The following MYO3A variants were observed in gnomAD, a reference collection of about 807,000 sequenced individuals.
MYO3A encodes the protein myosin-IIIa.
In MYO3A, 180 loss-of-function variants were observed where a neutral mutation model predicts 192.7. The ratio of observed to expected loss-of-function variants is 0.93; its 90% CI spans 0.83 to 1.06. MYO3A has a LOEUF of 1.06. MYO3A is among the 50% of genes least tolerant of loss of function. The pLI is 0.00. For synonymous variants in MYO3A, 628 were observed against 645.3 expected (o/e 0.97, Z 0.41); for missense variants, 1,896 against 1,905.0 (o/e 1.00, Z 0.09).
chr10:26,057,499 TTG>T (rs1834183772), intron 10 of MYO3A, among the ~76,000 whole-genome samples: 1 of 152,144 alleles, frequency 6.6e-6, no homozygotes, highest in South Asian at 2.1e-4. Context: ...CTGAGTGAGT[TTG>T]TGTTAGTTTC....
At chr10:26,002,542 G>C (rs902649626) in intron 6 of MYO3A, among the ~76,000 whole-genome samples, 1 of 152,082 alleles carries the variant, frequency 6.6e-6, no homozygotes, top group Non-Finnish European at 1.5e-5. Context: ...TAAGTGGTTT[G>C]GCAGGAAAAA....
chr10:25,985,255 A>AAAAG (rs745441105), intron 4 of MYO3A, among the ~76,000 whole-genome samples: 1,890 of 147,486 alleles, frequency 0.013, 77 homozygotes, highest in African/African-American at 0.044. Context: ...AAAAAAAAAA[A>AAAAG]AAATTCTGAA....
chr10:26,147,666 T>C, intron 23 of MYO3A, 107 bp downstream of exon 23: 1 of 1,507,506 alleles, frequency 6.6e-7, no homozygotes, highest in Non-Finnish European at 9.1e-7. Context: ...GAGTTTGTTT[T>C]CGGCTCACTA....
chr10:26,054,770 C>T (rs1844217648), intron 10 of MYO3A, among the ~76,000 whole-genome samples: 1 of 152,194 alleles, frequency 6.6e-6, no homozygotes, highest in Non-Finnish European at 1.5e-5. Context: ...CCTACAGCCT[C>T]CAGAAACTGG....
At chr10:26,039,336 A>C (rs1843212582) in intron 10 of MYO3A, among the ~76,000 whole-genome samples, 1 of 151,370 alleles carries the variant, frequency 6.6e-6, no homozygotes, top group Admixed American at 6.6e-5. Context: ...CTGGGATTAC[A>C]AAATGTGTAG....
At chr10:26,125,777 T>C (rs954819939) in intron 19 of MYO3A, among the ~76,000 whole-genome samples, 169 bp downstream of exon 19, 1 of 152,190 alleles carries the variant, frequency 6.6e-6, no homozygotes, top group Admixed American at 6.5e-5. Context: ...TAGTTCCACC[T>C]CATAATGCCA....
Position 25,979,802 on chromosome 10 carries a change from G to A in MYO3A, c.304-16688G>A, listed in dbSNP as rs537294365. 3.3e-5 allele frequency among the ~76,000 whole-genome samples: 5 copies of A among 152,224 alleles called. No homozygotes were observed. In the South Asian group the frequency reaches 1.0e-3, roughly 32 times the overall value. On this transcript the variant is annotated intron_variant, in intron 4 of 34. Coordinates refer to ENST00000642920, the MANE Select transcript of MYO3A (RefSeq NM_017433.5). Reference sequence around the variant, plus strand: ...GATAATTGTTGTGGGGGCCTTTCCTGTGCACTGTTGTATGTTTAGCAGCAT... The same window carrying A: ...GATAATTGTTGTGGGGGCCTTTCCTATGCACTGTTGTATGTTTAGCAGCAT...
At chr10:26,171,982 C>T (rs1842069480) in intron 29 of MYO3A, among the ~76,000 whole-genome samples, 1 of 152,190 alleles carries the variant, frequency 6.6e-6, no homozygotes, top group African/African-American at 2.4e-5. Flanking sequence ...AGATCCACTT[C>T]AGGGCACATG....
At chr10:26,069,967 A>G (rs549598502) in intron 12 of MYO3A, 144 bp from the exon 13 acceptor site, 38 of 636,050 alleles carry the variant, frequency 6.0e-5, no homozygotes, top group Non-Finnish European at 1.0e-4. Flanking sequence ...ATATGTGTGT[A>G]ACATGTATGT....
chr10:26,003,463 T>C lies in MYO3A; in HGVS notation c.508+6205T>C, dbSNP rs73610383. On this transcript the variant is annotated intron_variant, in intron 6 of 34. Transcript: ENST00000642920. ...AGATTCAGTTTGCTAATGCTCATTA[T>C]GAATACGGCCTTTAAGAAAAACTTT... Among the ~76,000 whole-genome samples the C allele has an allele frequency of 9.1e-4, 139 of 152,332 alleles. 1 individual carries two copies. The highest frequency in any genetic ancestry group is 3.0e-3 in the African/African-American group (126 of 41,582).
intron 17 of MYO3A, among the ~76,000 whole-genome samples, chr10:26,103,841 T>C (rs1408858745): frequency 1.3e-5 from 2 of 152,252 alleles, no homozygotes; most frequent in Non-Finnish European, 2.9e-5. Context: ...CTGCATGTCT[T>C]CGTCAACACT....
chr10:26,032,761 C>CA (rs1050358775), intron 10 of MYO3A, among the ~76,000 whole-genome samples: 1 of 151,738 alleles, frequency 6.6e-6, no homozygotes, highest in African/African-American at 2.4e-5. Flanking sequence ...AAAGAGAAAA[C>CA]AAAAAAATAG....
chr10:26,087,982 A>G (rs1342809264), intron 14 of MYO3A, among the ~76,000 whole-genome samples: 3 of 152,314 alleles, frequency 2.0e-5, no homozygotes, highest in African/African-American at 7.2e-5. Context: ...GCTTGAATAG[A>G]AAAGTATAGA....
At chr10:26,182,276 T>G (rs1181888949) in intron 31 of MYO3A, among the ~76,000 whole-genome samples, 2 of 152,198 alleles carry the variant, frequency 1.3e-5, no homozygotes, top group Admixed American at 1.3e-4. Context: ...CCACATGTGG[T>G]AAGACTAGAG....
At chr10:26,157,172 C>A in intron 25 of MYO3A, 138 bp from the exon 26 acceptor site, 1 of 741,304 alleles carries the variant, frequency 1.3e-6, no homozygotes, top group Non-Finnish European at 2.3e-6. Flanking sequence ...AACAGATTTT[C>A]CTCCATTTAC....
chr10:26,156,404 C>T (rs142643925), intron 25 of MYO3A, among the ~76,000 whole-genome samples: 77 of 152,296 alleles, frequency 5.1e-4, no homozygotes, highest in African/African-American at 1.8e-3. Context: ...GAGATACTCG[C>T]TTTCTGGGAT....
chr10:26,018,479 A>G (rs996918296), intron 7 of MYO3A, among the ~76,000 whole-genome samples: 10 of 152,204 alleles, frequency 6.6e-5, no homozygotes, highest in Admixed American at 5.2e-4. Flanking sequence ...CCATAATGGC[A>G]TAGAAGTATT....
chr10:26,043,118 T>C (rs1843441909), intron 10 of MYO3A, among the ~76,000 whole-genome samples: 1 of 151,728 alleles, frequency 6.6e-6, no homozygotes, highest in Non-Finnish European at 1.5e-5. Flanking sequence ...CAGAGACTTT[T>C]GTTCTCTTCC....
intron 14 of MYO3A, among the ~76,000 whole-genome samples, chr10:26,078,130 CT>C (rs57336459): frequency 0.29 from 34,916 of 122,304 alleles, 4,756 homozygotes; most frequent in Middle Eastern, 0.37. Context: ...TGGTCCTGGA[CT>C]TTTTTTTTTT....
Sources: gnomAD v4.1 joint callset for allele counts (sites outside exome capture counted in the v4.1 genomes callset) on GRCh38, gnomAD v4.1.1 for gene constraint, MANE v1.5 for transcripts, NCBI Gene and HGNC (gene_info 2026-07-23, HGNC 2026-07-21) for gene names.